SHISAL2A: variants seen among roughly 807,000 people sequenced by gnomAD.
The protein encoded by SHISAL2A is shisa like 2A.
A neutral mutation model predicts 11.5 loss-of-function variants in SHISAL2A; 18 were observed. That is an observed-to-expected ratio of 1.57 (90% CI 1.08 to 2.33). The LOEUF (loss-of-function observed/expected upper bound fraction) is 2.33, where lower values mean the gene tolerates loss of function less well. Ranked by LOEUF, SHISAL2A falls within the 30% of genes most tolerant of loss-of-function variation. The pLI, the probability that SHISAL2A is intolerant of heterozygous loss-of-function variation, is 0.00. For missense variants in SHISAL2A, 261 were observed against 250.9 expected, an observed-to-expected ratio of 1.04 and a Z score of -0.27; for synonymous variants, 94 against 99.6, an observed-to-expected ratio of 0.94 and a Z score of 0.34.
intron 1 of SHISAL2A, among the ~76,000 whole-genome samples, chr1:52,641,343 T>G (rs1691360154): frequency 6.6e-6 from 1 of 152,192 alleles, no homozygotes; most frequent in Non-Finnish European, 1.5e-5. Context: ...CTTGTGGGAC[T>G]GAGCCCGTAA....
At chr1:52,640,393 C>T (rs1239217223) in intron 1 of SHISAL2A, among the ~76,000 whole-genome samples, 1 of 152,158 alleles carries the variant, frequency 6.6e-6, no homozygotes, top group African/African-American at 2.4e-5. Flanking sequence ...ACACCTGACA[C>T]ATAGTAGGTA....
At chr1:52,635,294 A>C (rs1691214865) in intron 1 of SHISAL2A, among the ~76,000 whole-genome samples, 1 of 152,194 alleles carries the variant, frequency 6.6e-6, no homozygotes, top group Non-Finnish European at 1.5e-5. Context: ...AGAGTTTAAT[A>C]ATCACAGGGC....
At chr1:52,635,477 C>A (rs761916043) in intron 1 of SHISAL2A, among the ~76,000 whole-genome samples, 1 of 152,032 alleles carries the variant, frequency 6.6e-6, no homozygotes, top group Non-Finnish European at 1.5e-5. Flanking sequence ...GGGATCAAAG[C>A]TACCTTCTTG....
At chr1:52,645,396 C>CGTTTTGTTTTGTTTTTTGTTTTGTTTT (rs1691476066) in intron 2 of SHISAL2A, among the ~76,000 whole-genome samples, 1 of 150,178 alleles carries the variant, frequency 6.7e-6, no homozygotes, top group South Asian at 2.1e-4. Flanking sequence ...GAGGCTTCAA[C>CGTTTTGTTTTGTTTTTTGTTTTGTTTT]GTTTTGTTTT....
rs376055214 is a variant in SHISAL2A at position 52,644,180 on chromosome 1, C to T, written c.322+1178C>T. On this transcript the variant is annotated intron_variant, in intron 2 of 2. Transcript: ENST00000517870. ...GTATGTGCAAGTATATAACTAAGCA[C>T]AAAATTGTTTGATACAAAGTGTAGG... Among the ~76,000 whole-genome samples the T allele has an allele frequency of 2.6e-5, 4 of 151,918 alleles. No individual in the cohort carries two copies. The East Asian group carries it at 7.7e-4, about 29-fold the overall frequency.
At chr1:52,654,776 AAAGAT>A (rs1272744405) in intron 2 of SHISAL2A, among the ~76,000 whole-genome samples, 5 of 152,260 alleles carry the variant, frequency 3.3e-5, no homozygotes, top group Admixed American at 6.5e-5. Flanking sequence ...ACATTTTAAA[AAAGAT>A]AAGCCAGTAT....
At chr1:52,641,109 C>G (rs1691354805) in intron 1 of SHISAL2A, among the ~76,000 whole-genome samples, 1 of 152,210 alleles carries the variant, frequency 6.6e-6, no homozygotes, top group South Asian at 2.1e-4. Context: ...TCCCTTATAC[C>G]TTGCCTTATG....
Position 52,664,031 on chromosome 1 carries a change from G to A in SHISAL2A, n.696-3368G>A, listed in dbSNP as rs371044082. Among the ~76,000 whole-genome samples, 35 of 152,216 alleles carry A rather than the reference G, an allele frequency of 2.3e-4. No individual in the cohort carries two copies. In the East Asian group the frequency reaches 4.8e-3, roughly 21 times the overall value. Reference sequence around the variant, plus strand: ...GCATTCTGAAAAACCATACTTGACCGTGCAGAATTTACACAACAGAGAATT... The same window carrying A: ...GCATTCTGAAAAACCATACTTGACCATGCAGAATTTACACAACAGAGAATT... On this transcript the variant is annotated intron_variant and non_coding_transcript_variant, in intron 4 of 5. Coordinates refer to the SHISAL2A transcript ENST00000401050.
chr1:52,646,244 G>A (rs1300113241), intron 2 of SHISAL2A, among the ~76,000 whole-genome samples: 2 of 152,118 alleles, frequency 1.3e-5, no homozygotes, highest in African/African-American at 4.8e-5. Context: ...GGCCCAAAAT[G>A]TCAATAGTAC....
chr1:52,634,193 CT>C (rs1460419036), intron 1 of SHISAL2A, among the ~76,000 whole-genome samples: 1 of 152,148 alleles, frequency 6.6e-6, no homozygotes, highest in African/African-American at 2.4e-5. Context: ...CTCAGCTCTT[CT>C]CCCACATCCT....
chr1:52,635,262 C>A (rs1346255870), intron 1 of SHISAL2A, among the ~76,000 whole-genome samples: 1 of 152,144 alleles, frequency 6.6e-6, no homozygotes, highest in African/African-American at 2.4e-5. Context: ...GCACTGAGAA[C>A]AACAGGTTTT....
At chr1:52,669,230 CCTACCAAAGTG>C (rs1250923866) in exon 6 of SHISAL2A, 1 of 149,152 alleles carries the variant, frequency 6.7e-6, no homozygotes, top group Non-Finnish European at 1.5e-5. Flanking sequence ...CCCACCTTGG[CCTACCAAAGTG>C]CTGGGATTAC....
chr1:52,645,985 A>G (rs2149880873), intron 2 of SHISAL2A, among the ~76,000 whole-genome samples: 1 of 152,378 alleles, frequency 6.6e-6, no homozygotes, highest in Non-Finnish European at 1.5e-5. Context: ...ATTTTTTAAA[A>G]TAAAGGATTT....
chr1:52,655,623 C>T (rs868059076), intron 2 of SHISAL2A, among the ~76,000 whole-genome samples: 6 of 152,076 alleles, frequency 3.9e-5, no homozygotes, highest in Non-Finnish European at 8.8e-5. Flanking sequence ...AAGACCCTAT[C>T]TCAAAATAAA....
chr1:52,666,583 C>CGTGTGTGT (rs3082869), intron 4 of SHISAL2A, among the ~76,000 whole-genome samples: 1 of 150,364 alleles, frequency 6.7e-6, no homozygotes, highest in African/African-American at 2.4e-5. Context: ...TGCACACGCG[C>CGTGTGTGT]GTGTGTGTGT....
intron 2 of SHISAL2A, among the ~76,000 whole-genome samples, chr1:52,645,273 G>C (rs1159192271): frequency 5.9e-5 from 9 of 152,178 alleles, no homozygotes; most frequent in Non-Finnish European, 1.0e-4. Context: ...CACTTTTGAG[G>C]GTGGAAGGAT....
chr1:52,665,032 G>T (rs550144897), intron 4 of SHISAL2A, among the ~76,000 whole-genome samples: 1 of 152,126 alleles, frequency 6.6e-6, no homozygotes, highest in African/African-American at 2.4e-5. Flanking sequence ...CAAGCAATCC[G>T]CCAGCCAGCC....
downstream of SHISAL2A, among the ~76,000 whole-genome samples, chr1:52,661,308 G>A (rs1422067176): frequency 4.6e-5 from 7 of 152,340 alleles, no homozygotes; most frequent in Non-Finnish European, 1.0e-4. Flanking sequence ...TGCCATTCAG[G>A]ATCTCTGCCT....
intron 4 of SHISAL2A, among the ~76,000 whole-genome samples, chr1:52,664,316 G>C (rs1318642654): frequency 6.6e-6 from 1 of 150,704 alleles, no homozygotes; most frequent in Non-Finnish European, 1.5e-5. Flanking sequence ...TCAGCCTCTC[G>C]AATAGCTGGG....
Sources: allele counts gnomAD v4.1 joint callset (sites outside exome capture counted in the v4.1 genomes callset), GRCh38; gene constraint gnomAD v4.1.1; transcripts MANE v1.5; gene names NCBI Gene and HGNC (gene_info 2026-07-23, HGNC 2026-07-21).